The following UNC45A variants were observed in gnomAD, a reference collection of about 807,000 sequenced individuals.
UNC45A encodes protein unc-45 homolog A.
UNC45A carries 78 observed loss-of-function variants against 103.2 expected under a neutral mutation model. The ratio of observed to expected loss-of-function variants is 0.76; its 90% CI spans 0.63 to 0.91. The LOEUF is 0.91. Among genes scored for constraint, UNC45A ranks in the 40% least tolerant of loss-of-function variants. The probability of loss-of-function intolerance (pLI) is 0.00; values close to 1 mark genes in which losing one functional copy is unlikely to be tolerated. For synonymous variants in UNC45A, 495 were observed against 504.6 expected, an observed-to-expected ratio of 0.98 and a Z score of 0.25; for missense variants, 1,193 against 1,224.8, an observed-to-expected ratio of 0.97 and a Z score of 0.39.
upstream of UNC45A, chr15:90,931,908 T>A (rs1249943822): frequency 6.2e-7 from 1 of 1,613,946 alleles, no homozygotes; most frequent in Non-Finnish European, 8.5e-7. Flanking sequence ...TCCAGGGTGG[T>A]GTCTGTGTCC....
At position 90,953,053 on chromosome 15, in the gene UNC45A, G is replaced by C. The variant is rs369583719; in HGVS notation, c.2421+7G>C. 45 of 1,612,636 alleles carry C rather than the reference G, an allele frequency of 2.8e-5. No individual in the cohort carries two copies. Among genetic ancestry groups the C allele is most frequent in the Non-Finnish European group, 3.6e-5 (42 of 1,179,286 alleles). On this transcript the variant is annotated splice_region_variant and intron_variant, in intron 18 of 19. Coordinates refer to ENST00000418476, the MANE Select transcript of UNC45A (RefSeq NM_018671.5). Reference sequence around the variant, plus strand: ...CTTGGCCATGAGCAAGGAGGTGAGGGTTGGTCTGGGTGCTCATGACAGGCG... The same window carrying C: ...CTTGGCCATGAGCAAGGAGGTGAGGCTTGGTCTGGGTGCTCATGACAGGCG...
intron 4 of UNC45A, among the ~76,000 whole-genome samples, chr15:90,939,018 T>C (rs2036156477): frequency 6.6e-6 from 1 of 151,254 alleles, no homozygotes; most frequent in African/African-American, 2.4e-5. Flanking sequence ...TCACAGTTAT[T>C]GCCCAGGTTA....
chr15:90,949,388 A>C lies in UNC45A; in HGVS notation c.1951A>C (p.Met651Leu), dbSNP rs1294443093. 6.2e-7 allele frequency: 1 copy of C among 1,613,760 alleles called. No individual in the cohort carries two copies. The highest frequency in any genetic ancestry group is 8.5e-7 in the Non-Finnish European group (1 of 1,179,998). ...GGGTGTGGTGTCGGCCATGGTGTGC[A>C]TGGTGAAGACGGAGAGCCCTGTGCT... ...AAGVVSAMVC[M>L]VKTESPVLTS... is the part of the protein sequence containing the mutation. The change falls in exon 14 of 20, where the codon ATG (methionine) becomes CTG (leucine). Residue 651 changes from methionine to leucine, a missense_variant. Coordinates refer to ENST00000418476, the MANE Select transcript of UNC45A (RefSeq NM_018671.5).
At position 90,935,653 on chromosome 15, in the gene UNC45A, C is replaced by T. The variant is rs776257234; in HGVS notation, c.161C>T (p.Pro54Leu). Residue 54 changes from proline to leucine, a missense_variant, in exon 2 of 20, where the codon CCC (proline) becomes CTC (leucine). Transcript: ENST00000418476. Reference sequence around the variant, plus strand: ...CAGGCCCTGGGTCTGGACGCGACGCCCCAGGACCAGGCCGTTCTGCACCGG... The same window carrying T: ...CAGGCCCTGGGTCTGGACGCGACGCTCCAGGACCAGGCCGTTCTGCACCGG... ...YTQALGLDATPQDQAVLHRNR... is the reference protein window; with the variant it reads ...YTQALGLDATLQDQAVLHRNR... 8.7e-6 allele frequency: 14 copies of T among 1,606,760 alleles called. No individual in the cohort carries two copies. In the Admixed American group the frequency reaches 2.4e-4, roughly 27 times the overall value.
chr15:90,949,082 T>C (rs945732947), intron 13 of UNC45A, among the ~76,000 whole-genome samples: 3 of 152,116 alleles, frequency 2.0e-5, no homozygotes, highest in Admixed American at 6.5e-5. Flanking sequence ...TTCACCGTGT[T>C]AGCCAGGATG....
At chr15:90,931,966 G>A, upstream of UNC45A, 1 of 1,613,832 alleles carries the variant, frequency 6.2e-7, no homozygotes, top group Non-Finnish European at 8.5e-7. Context: ...TTCCCACTCA[G>A]CCCTGAGATG....
In UNC45A at chr15:90,948,586, T is replaced by C. The variant is rs528485709; in HGVS notation, c.1738-68T>C. On this transcript the variant is annotated intron_variant, in intron 12 of 19. Transcript: ENST00000418476. ...GAGGGTGGAATTGGGGGCCTGGGCCTGGGCAGCATTTATCTGAGTACTGCT... is the reference window on the plus strand; with the variant it reads ...GAGGGTGGAATTGGGGGCCTGGGCCCGGGCAGCATTTATCTGAGTACTGCT... 1.1e-5 allele frequency: 17 copies of C among 1,578,242 alleles called. No homozygotes were observed. The South Asian group carries it at 1.8e-4, about 17-fold the overall frequency.
rs1188081199 is a variant in UNC45A, at chr15:90,935,333, G to T, written c.9G>T (p.Val3=). 2 of 1,604,688 alleles carry T rather than the reference G, an allele frequency of 1.2e-6. No individual in the cohort carries two copies. Among genetic ancestry groups the T allele is most frequent in the Admixed American group, 1.7e-5 (1 of 59,130 alleles). The change falls in exon 1 of 20, where the codon GTG becomes GTT. Residue 3 remains valine, a synonymous_variant. Coordinates refer to ENST00000418476, the MANE Select transcript of UNC45A (RefSeq NM_018671.5). The part of the protein sequence containing the change: MT[V]SGPGTPEPRP... ...GAGACAACCTCTCCGCGATGACTGT[G>T]AGTGGTCCAGGGACCCCCGAGCCCC...
At chr15:90,934,277 G>A, upstream of UNC45A, 1 of 399,136 alleles carries the variant, frequency 2.5e-6, no homozygotes, top group Non-Finnish European at 4.4e-6. Flanking sequence ...TCCAGTAGGG[G>A]TGGAGTGAGC....
chr15:90,942,508 G>A lies in UNC45A; in HGVS notation c.759G>A (p.Val253=), dbSNP rs1316264460. Residue 253 remains valine (V), a synonymous_variant, in exon 7 of 20, where the codon GTG becomes GTA. Coordinates refer to ENST00000418476, the MANE Select transcript of UNC45A (RefSeq NM_018671.5). Reference sequence around the variant, plus strand: ...TCCTGGGCGTGGAAAGCCAGGCTGTGTCCCTGGCTGCCTGCCACCTGCTGC... The same window carrying A: ...TCCTGGGCGTGGAAAGCCAGGCTGTATCCCTGGCTGCCTGCCACCTGCTGC... ...VSILGVESQA[V]SLAACHLLQV... is the part of the protein sequence containing the mutation. The A allele has an allele frequency of 6.2e-7, 1 of 1,614,048 alleles. No homozygotes were observed. The highest frequency in any genetic ancestry group is 8.5e-7 in the Non-Finnish European group (1 of 1,180,052).
chr15:90,951,416 A>G (rs979556652), intron 17 of UNC45A, among the ~76,000 whole-genome samples: 4 of 152,180 alleles, frequency 2.6e-5, no homozygotes, highest in Non-Finnish European at 4.4e-5. Context: ...CACCTTTAGT[A>G]TAGGGCCATG....
chr15:90,934,217 A>T, upstream of UNC45A: 1 of 399,462 alleles, frequency 2.5e-6, no homozygotes, highest in East Asian at 3.6e-5. Context: ...ACTGATGGGG[A>T]TGGGTGGAAG....
At position 90,953,304 on chromosome 15, in the gene UNC45A, C is replaced by G. The variant is rs990937266; in HGVS notation, c.2571C>G (p.Pro857=). 1.9e-6 allele frequency: 3 copies of G among 1,608,228 alleles called. No individual in the cohort carries two copies. Among genetic ancestry groups the G allele is most frequent in the Non-Finnish European group, 2.5e-6 (3 of 1,177,656 alleles). ...SMRPTLCSRI[P]QVTTHWLEIL... ...GGCCCACGCTCTGCAGCCGCATTCC[C>G]CAAGTGGTCAGTGCCTCTTCTCAGT... Residue 857 remains proline (P), a synonymous_variant, in exon 19 of 20, where the codon CCC becomes CCG. Transcript: ENST00000418476.
Position 90,935,685 on chromosome 15 carries a change from G to T in UNC45A, c.193G>T (p.Ala65Ser), listed in dbSNP as rs1007165892. The T allele has an allele frequency of 3.2e-6, 5 of 1,564,730 alleles. No homozygotes were observed. The highest frequency in any genetic ancestry group is 1.4e-5 in the African/African-American group (1 of 73,264). The change falls in exon 2 of 20, where the codon GCC becomes TCC. Residue 65 changes from alanine to serine, a missense_variant. Ala to Ser is a moderately conservative substitution (Grantham distance 99). Transcript: ENST00000418476. ...QDQAVLHRNR[A>S]ACHLKLEDYD... The stretch of plus-strand genomic sequence containing the variant: ...CCAGGCCGTTCTGCACCGGAACCGG[G>T]CCGCCTGCCACCTCAAGCTGGTGAG...
In UNC45A at chr15:90,953,663, C is replaced by T. The variant is rs1021018010; in HGVS notation, c.2782C>T (p.Leu928=). 1 of 1,614,014 alleles carries T rather than the reference C, an allele frequency of 6.2e-7. No homozygotes were observed. The highest frequency in any genetic ancestry group is 1.3e-5 in the African/African-American group (1 of 74,942). ...TGTCACAAGGGCTGCTGCAGCCTGC[C>T]TGGACAAAGCAGTGGAATATGGGCT... ...SPVTRAAAAC[L]DKAVEYGLIQ... The change falls in exon 20 of 20, where the codon CTG becomes TTG. Residue 928 remains leucine (L), a synonymous_variant. Coordinates refer to ENST00000418476, the MANE Select transcript of UNC45A (RefSeq NM_018671.5).
At chr15:90,935,282 C>T, upstream of UNC45A, 1 of 1,574,380 alleles carries the variant, frequency 6.4e-7, no homozygotes, top group African/African-American at 1.3e-5. Flanking sequence ...CTCGCCCCGC[C>T]CCAGAGACTG....
At chr15:90,949,549 G>T in intron 14 of UNC45A, 105 bp from the exon 15 acceptor site, 7 of 1,598,796 alleles carry the variant, frequency 4.4e-6, no homozygotes, top group South Asian at 1.1e-5. Context: ...CTCTTAGAGC[G>T]ACGGGGGCTG....
rs763056152 is a variant in UNC45A at position 90,948,167 on chromosome 15, G to A, written c.1621G>A (p.Ala541Thr). The change falls in exon 12 of 20, where the codon GCA becomes ACA. Residue 541 changes from alanine (A) to threonine (T), a missense_variant. Transcript: ENST00000418476. Reference protein sequence around the residue: ...RKWLCNDQIDAGTRRWAVEGL... With the variant: ...RKWLCNDQIDTGTRRWAVEGL... ...GTGGCTGTGCAATGACCAGATCGAC[G>A]CAGGCACTCGGCGCTGGGCAGTGGA... The A allele has an allele frequency of 9.9e-6, 16 of 1,613,998 alleles. No individual in the cohort carries two copies. The Admixed American group carries it at 2.0e-4, about 20-fold the overall frequency.
At chr15:90,935,260 C>T, upstream of UNC45A, 5 of 1,501,396 alleles carry the variant, frequency 3.3e-6, no homozygotes, top group Non-Finnish European at 3.6e-6. Flanking sequence ...CCGGTGGCGT[C>T]CCGAACCCAG....
Sources: allele counts gnomAD v4.1 joint callset (sites outside exome capture counted in the v4.1 genomes callset), GRCh38; gene constraint gnomAD v4.1.1; transcripts MANE v1.5; gene names NCBI Gene and HGNC (gene_info 2026-07-23, HGNC 2026-07-21).